Variants in UXS1 observed in about 807,000 individuals in gnomAD.
The protein encoded by UXS1 is UDP-glucuronic acid decarboxylase 1.
UXS1 carries 33 observed loss-of-function variants against 62.6 expected under a neutral mutation model. The ratio of observed to expected loss-of-function variants is 0.53; its 90% CI spans 0.40 to 0.70. The LOEUF (loss-of-function observed/expected upper bound fraction) is 0.70, where lower values mean the gene tolerates loss of function less well. Among genes scored for constraint, UXS1 ranks in the 30% least tolerant of loss-of-function variants. The pLI, the probability that UXS1 is intolerant of heterozygous loss-of-function variation, is 0.00. For missense variants in UXS1, 434 were observed against 556.3 expected (o/e 0.78, Z 2.21); for synonymous variants, 213 against 206.8 (o/e 1.03, Z -0.26).
intron 9 of UXS1, among the ~76,000 whole-genome samples, chr2:106,120,081 A>C (rs975827676): frequency 1.3e-5 from 2 of 152,190 alleles, no homozygotes; most frequent in Admixed American, 1.3e-4. Flanking sequence ...ACCCATTCAG[A>C]AAAAAGTGGG....
chr2:106,116,946 C>T (rs1679105759), intron 9 of UXS1, among the ~76,000 whole-genome samples: 1 of 152,196 alleles, frequency 6.6e-6, no homozygotes. Context: ...TGCAACCATT[C>T]AGTGGAGAGT....
chr2:106,096,718 C>A lies in UXS1; in HGVS notation c.1146G>T (p.Val382=). 6.4e-7 allele frequency: 1 copy of A among 1,565,266 alleles called. No homozygotes were observed. Among genetic ancestry groups the A allele is most frequent in the Non-Finnish European group, 8.7e-7 (1 of 1,153,494 alleles). The change falls in exon 14 of 15, where the codon GTG becomes GTT. Residue 382 remains valine (V), a splice_region_variant and synonymous_variant. Coordinates refer to ENST00000283148, the MANE Select transcript of UXS1 (RefSeq NM_001253875.2). Reference sequence around the variant, plus strand: ...GGCAGCATTAACTCCCTGCACTTACCACGGGCTCCCACCCCAGCATCAGCT... The same window carrying A: ...GGCAGCATTAACTCCCTGCACTTACAACGGGCTCCCACCCCAGCATCAGCT... ...KAKLMLGWEP[V]VPLEEGLNKA... is the part of the protein sequence containing the mutation.
intron 12 of UXS1, chr2:106,100,676 G>A (rs139158166): frequency 3.3e-5 from 6 of 179,964 alleles, no homozygotes; most frequent in Admixed American, 1.2e-4. Context: ...ATCAGCAACC[G>A]GAAAATTTTC....
At chr2:106,143,278 A>G (rs1464967240) in intron 6 of UXS1, among the ~76,000 whole-genome samples, 2 of 151,550 alleles carry the variant, frequency 1.3e-5, no homozygotes, top group East Asian at 1.9e-4. Flanking sequence ...GCATGGTGGC[A>G]AGTGCCTGTA....
In UXS1 at chr2:106,109,197, G is replaced by A. The variant is rs547418501; in HGVS notation, c.879+3449C>T. On this transcript the variant is annotated intron_variant, in intron 10 of 14. Coordinates refer to ENST00000283148, the MANE Select transcript of UXS1 (RefSeq NM_001253875.2). ...TCTTTCCCCCCCGAAAAATCCCACT[G>A]CAGTGATCCGTATTCCTGTCATGAT... Among the ~76,000 whole-genome samples the A allele has an allele frequency of 2.6e-5, 4 of 152,054 alleles. No individual in the cohort carries two copies. In the East Asian group the frequency reaches 7.8e-4, roughly 30 times the overall value.
chr2:106,166,749 C>A (rs947061824), intron 1 of UXS1, among the ~76,000 whole-genome samples: 3 of 137,194 alleles, frequency 2.2e-5, no homozygotes, highest in Non-Finnish European at 4.6e-5. Flanking sequence ...ATTACCCAGT[C>A]TGGTCTCTAG....
chr2:106,108,124 G>A (rs1419122470), intron 10 of UXS1, among the ~76,000 whole-genome samples: 1 of 152,208 alleles, frequency 6.6e-6, no homozygotes, highest in Non-Finnish European at 1.5e-5. Context: ...ATGTCCTTAA[G>A]AGTCCTGCTG....
intron 13 of UXS1, chr2:106,097,340 A>G: frequency 2.5e-6 from 1 of 401,484 alleles, no homozygotes; most frequent in South Asian, 1.8e-5. Flanking sequence ...GGCCTGTTCC[A>G]CATCCTTGCT....
chr2:106,115,401 C>CTGG (rs1173899503), intron 9 of UXS1, among the ~76,000 whole-genome samples: 1 of 152,246 alleles, frequency 6.6e-6, no homozygotes, highest in African/African-American at 2.4e-5. Context: ...TGACACTGAG[C>CTGG]TGGTGCCTTT....
At position 106,177,695 on chromosome 2, in the gene UXS1, G is replaced by T. The variant is rs1189784298; in HGVS notation, c.95-11612C>A. ...GCGAGAAGGCGCCATCTATGAACAG[G>T]AATTGGGCCCTCACCAGATACTGAA... On this transcript the variant is annotated intron_variant, in intron 1 of 14. Coordinates refer to ENST00000283148, the MANE Select transcript of UXS1 (RefSeq NM_001253875.2). Among the ~76,000 whole-genome samples the T allele has an allele frequency of 2.6e-5, 4 of 152,222 alleles. 1 individual carries two copies. In the East Asian group the frequency reaches 7.7e-4, roughly 29 times the overall value.
chr2:106,180,364 T>C (rs930772635), intron 1 of UXS1, among the ~76,000 whole-genome samples: 1 of 152,238 alleles, frequency 6.6e-6, no homozygotes, highest in African/African-American at 2.4e-5. Flanking sequence ...AAAATATCAA[T>C]GACCCTTGCA....
At chr2:106,113,336 C>T (rs191817431) in intron 9 of UXS1, among the ~76,000 whole-genome samples, 9 of 152,328 alleles carry the variant, frequency 5.9e-5, no homozygotes, top group Admixed American at 5.9e-4. Flanking sequence ...AAACTAAATA[C>T]AACTTAGTGC....
intron 10 of UXS1, among the ~76,000 whole-genome samples, chr2:106,106,160 T>C (rs1678047588): frequency 6.6e-6 from 1 of 151,800 alleles, no homozygotes; most frequent in Non-Finnish European, 1.5e-5. Context: ...AGGTCGGGAG[T>C]TCGACACCAG....
At position 106,103,677 on chromosome 2, in the gene UXS1, T is replaced by C. The variant is rs1677802618; in HGVS notation, c.923+1117A>G. On this transcript the variant is annotated intron_variant, in intron 11 of 14. Coordinates refer to ENST00000283148, the MANE Select transcript of UXS1 (RefSeq NM_001253875.2). The stretch of plus-strand genomic sequence containing the variant: ...CCTATTTGGGCCACAAAGTTGGTTA[T>C]AGTACACTTCTGGGCTTTTGCCCCT... Among the ~76,000 whole-genome samples the C allele has an allele frequency of 5.3e-5, 8 of 152,332 alleles. No individual in the cohort carries two copies. In the South Asian group the frequency reaches 1.7e-3, roughly 32 times the overall value.
chr2:106,142,275 A>G (rs1015054074), intron 6 of UXS1, among the ~76,000 whole-genome samples: 1 of 152,254 alleles, frequency 6.6e-6, no homozygotes, highest in Admixed American at 6.5e-5. Context: ...TTTCATCATC[A>G]GGAAAAAAGT....
rs143067915 is a variant in UXS1, at chr2:106,125,263, T to G, written c.637+357A>C. On this transcript the variant is annotated intron_variant, in intron 8 of 14. Coordinates refer to ENST00000283148, the MANE Select transcript of UXS1 (RefSeq NM_001253875.2). Reference sequence around the variant, plus strand: ...CTCTTGGGAGGTCAGGCATGCAGCATGCATGACTCACATAGAAGAATGACA... The same window carrying G: ...CTCTTGGGAGGTCAGGCATGCAGCAGGCATGACTCACATAGAAGAATGACA... Among the ~76,000 whole-genome samples the G allele has an allele frequency of 4.7e-3, 709 of 152,318 alleles. 11 individuals carry two copies. The highest frequency in any genetic ancestry group is 6.5e-3 in the Non-Finnish European group (443 of 68,016).
chr2:106,096,228 A>ATGTGTGAATGTGAGTGTGGATCAGTGAG (rs1677079943), intron 14 of UXS1, among the ~76,000 whole-genome samples: 2 of 151,828 alleles, frequency 1.3e-5, no homozygotes, highest in African/African-American at 4.8e-5. Context: ...GAGGGAGTGT[A>ATGTGTGAATGTGAGTGTGGATCAGTGAG]TGTGTGAATG....
intron 9 of UXS1, among the ~76,000 whole-genome samples, chr2:106,116,296 C>T (rs1361097386): frequency 2.0e-5 from 3 of 152,314 alleles, no homozygotes; most frequent in South Asian, 2.1e-4. Context: ...CCAGCCAACA[C>T]GGTCCAGATA....
chr2:106,192,339 G>C, intron 1 of UXS1, among the ~76,000 whole-genome samples: 1 of 152,188 alleles, frequency 6.6e-6, no homozygotes, highest in Non-Finnish European at 1.5e-5. Flanking sequence ...CGGATCACGA[G>C]GTCAGGAGAT....
Sources: allele counts gnomAD v4.1 joint callset (sites outside exome capture counted in the v4.1 genomes callset), GRCh38; gene constraint gnomAD v4.1.1; transcripts MANE v1.5; gene names NCBI Gene and HGNC (gene_info 2026-07-23, HGNC 2026-07-21).